The following SPAG16 variants were observed in gnomAD, a reference collection of about 807,000 sequenced individuals.
SPAG16 encodes sperm associated antigen 16.
SPAG16 carries 86 observed loss-of-function variants against 80.4 expected under a neutral mutation model. The observed-to-expected ratio is 1.07, with a 90% CI of 0.90 to 1.28. SPAG16 has a LOEUF of 1.28. Ranked by LOEUF, SPAG16 falls within the 50% of genes most tolerant of loss-of-function variation. The pLI is 0.00. For missense variants in SPAG16, 870 were observed against 765.3 expected (o/e 1.14, Z -1.61); for synonymous variants, 294 against 265.9 (o/e 1.11, Z -1.03).
chr2:214,376,194 G>A (rs890825763), intron 15 of SPAG16, among the ~76,000 whole-genome samples: 2 of 151,934 alleles, frequency 1.3e-5, no homozygotes, highest in South Asian at 4.2e-4. Flanking sequence ...ACAATTCATG[G>A]CAGAATTAAA....
chr2:214,277,106 C>T (rs936830199), intron 15 of SPAG16, among the ~76,000 whole-genome samples: 2 of 152,066 alleles, frequency 1.3e-5, no homozygotes, highest in African/African-American at 4.8e-5. Flanking sequence ...GCATGTGTCA[C>T]GTAGTTCTCA....
At chr2:213,626,821 T>G (rs190030654) in intron 10 of SPAG16, among the ~76,000 whole-genome samples, 174 of 152,132 alleles carry the variant, frequency 1.1e-3, no homozygotes, top group Admixed American at 3.0e-3. Flanking sequence ...CTACTTTTTG[T>G]AATTTTAATA....
At chr2:213,285,805 T>C (rs1180580132) in intron 1 of SPAG16, 1 of 846,702 alleles carries the variant, frequency 1.2e-6, no homozygotes. Flanking sequence ...AATGAGGTTT[T>C]ATACTGTTTT....
chr2:213,803,440 C>G (rs970526586), intron 10 of SPAG16, among the ~76,000 whole-genome samples: 1 of 152,130 alleles, frequency 6.6e-6, no homozygotes, highest in African/African-American at 2.4e-5. Context: ...CAGATTTTAC[C>G]TTGGAATTGT....
chr2:214,198,299 C>G (rs966907569), intron 15 of SPAG16, among the ~76,000 whole-genome samples: 5 of 151,958 alleles, frequency 3.3e-5, no homozygotes, highest in South Asian at 2.1e-4. Flanking sequence ...CATTCTTAGG[C>G]CTTTGCATAC....
chr2:213,635,229 G>T (rs1354994725), intron 10 of SPAG16, among the ~76,000 whole-genome samples: 1 of 151,780 alleles, frequency 6.6e-6, no homozygotes, highest in Non-Finnish European at 1.5e-5. Context: ...TAGAGATGGG[G>T]TTTCACCATG....
chr2:213,549,540 A>G (rs1459551919), intron 10 of SPAG16, among the ~76,000 whole-genome samples: 1 of 152,128 alleles, frequency 6.6e-6, no homozygotes, highest in African/African-American at 2.4e-5. Context: ...CTTCTCTCCA[A>G]CAGCAACTTG....
rs535861914 is a variant in SPAG16, at chr2:214,288,820, G to A, written c.1721-121320G>A. ...GTCTCGCTCTGTCACCCAGGCTGGA[G>A]TGCAGTGGCGCGATCTCAGCTCACT... On this transcript the variant is annotated intron_variant, in intron 15 of 15. Transcript: ENST00000331683. Among the ~76,000 whole-genome samples, 13 of 149,508 alleles carry A rather than the reference G, an allele frequency of 8.7e-5. No homozygotes were observed. The South Asian group carries it at 2.5e-3, about 29-fold the overall frequency.
At chr2:213,926,346 G>A (rs563935469) in intron 11 of SPAG16, among the ~76,000 whole-genome samples, 34 of 152,138 alleles carry the variant, frequency 2.2e-4, no homozygotes, top group African/African-American at 7.7e-4. Flanking sequence ...CACCCAAGCA[G>A]TATGCACTTT....
intron 9 of SPAG16, among the ~76,000 whole-genome samples, chr2:213,426,148 G>A (rs1476320848): frequency 6.6e-6 from 1 of 151,982 alleles, no homozygotes; most frequent in Non-Finnish European, 1.5e-5. Context: ...CTTATTTTCA[G>A]CCTATATGAT....
chr2:214,203,195 T>C (rs917453360), intron 15 of SPAG16, among the ~76,000 whole-genome samples: 3 of 152,226 alleles, frequency 2.0e-5, no homozygotes, highest in Non-Finnish European at 4.4e-5. Flanking sequence ...TTGGATGATG[T>C]CCAATTTAAA....
intron 10 of SPAG16, among the ~76,000 whole-genome samples, chr2:213,666,730 G>C (rs2063618987): frequency 6.6e-6 from 1 of 152,176 alleles, no homozygotes. Context: ...GTTTGATTCA[G>C]TTTCCAGAAG....
intron 10 of SPAG16, among the ~76,000 whole-genome samples, chr2:213,588,218 A>G (rs1260089061): frequency 6.6e-6 from 1 of 152,190 alleles, no homozygotes; most frequent in Non-Finnish European, 1.5e-5. Flanking sequence ...AGACACATGC[A>G]TAATTTGAAA....
At chr2:213,749,621 A>G (rs1350143635) in intron 10 of SPAG16, among the ~76,000 whole-genome samples, 1 of 152,240 alleles carries the variant, frequency 6.6e-6, no homozygotes, top group East Asian at 1.9e-4. Flanking sequence ...TATAGATTTA[A>G]ATAAAACAAA....
intron 15 of SPAG16, among the ~76,000 whole-genome samples, chr2:214,258,943 A>G (rs979499759): frequency 1.3e-5 from 2 of 152,002 alleles, no homozygotes; most frequent in African/African-American, 4.8e-5. Flanking sequence ...CTTTGAGAAC[A>G]TAATTTCTTT....
chr2:213,338,689 G>A (rs1193355844), intron 5 of SPAG16, among the ~76,000 whole-genome samples: 8 of 152,120 alleles, frequency 5.3e-5, no homozygotes, highest in Admixed American at 3.9e-4. Context: ...GCCATAAAAA[G>A]GAATGGGACC....
chr2:213,522,814 T>TATAA lies in SPAG16; in HGVS notation c.1070+32725_1070+32726insTAAA, dbSNP rs751308255. 1.0e-3 allele frequency among the ~76,000 whole-genome samples: 155 copies of TATAA among 148,634 alleles called. 3 individuals are homozygous for TATAA. Among genetic ancestry groups the TATAA allele is most frequent in the Admixed American group, 8.1e-4 (12 of 14,798 alleles). The stretch of plus-strand genomic sequence containing the variant: ...TACATGCCAAATATATATATATATA[T>TATAA]AACAAACTTATATATATATAACAAA... On this transcript the variant is annotated intron_variant, in intron 10 of 15. Transcript: ENST00000331683.
intron 9 of SPAG16, among the ~76,000 whole-genome samples, chr2:213,377,899 ATATATTTTT>A (rs1420806807): frequency 7.3e-3 from 131 of 17,864 alleles, no homozygotes; most frequent in East Asian, 0.022. Context: ...ATATATATAT[ATATATTTTT>A]TTTTTTTTTT....
intron 11 of SPAG16, among the ~76,000 whole-genome samples, chr2:213,906,215 A>G (rs1230041125): frequency 2.0e-5 from 3 of 151,912 alleles, no homozygotes; most frequent in South Asian, 2.1e-4. Flanking sequence ...CTATGCACCA[A>G]TAATGAACCA....
Sources: gnomAD v4.1 joint callset for allele counts (sites outside exome capture counted in the v4.1 genomes callset) on GRCh38, gnomAD v4.1.1 for gene constraint, MANE v1.5 for transcripts, NCBI Gene and HGNC (gene_info 2026-07-23, HGNC 2026-07-21) for gene names.